The following ABR variants were observed in gnomAD, a reference collection of about 807,000 sequenced individuals.
ABR encodes active breakpoint cluster region-related protein.
Under a neutral mutation model 107.2 loss-of-function variants are expected in ABR, and 35 were observed. The observed-to-expected ratio is 0.33, with a 90% CI of 0.25 to 0.43. ABR has a LOEUF of 0.43. ABR is among the 20% of genes least tolerant of loss of function. ABR has a pLI of 1.00. For synonymous variants in ABR, 498 were observed against 462.0 expected, an observed-to-expected ratio of 1.08 and a Z score of -1.00; for missense variants, 815 against 1,115.2, an observed-to-expected ratio of 0.73 and a Z score of 3.83.
intron 1 of ABR, among the ~76,000 whole-genome samples, chr17:1,133,548 A>G (rs2039934351): frequency 1.3e-5 from 2 of 152,198 alleles, no homozygotes; most frequent in Admixed American, 6.5e-5. Context: ...AAAGAGATTA[A>G]TAACAATAAT....
intron 4 of ABR, among the ~76,000 whole-genome samples, chr17:1,086,707 G>T (rs1352715624): frequency 6.6e-6 from 1 of 152,096 alleles, no homozygotes; most frequent in Non-Finnish European, 1.5e-5. Flanking sequence ...CGTCATATTG[G>T]TCAGGCTGGT....
At chr17:1,202,889 CTT>C (rs11403936) in intron 1 of ABR, among the ~76,000 whole-genome samples, 1 of 145,168 alleles carries the variant, frequency 6.9e-6, no homozygotes, top group Non-Finnish European at 1.5e-5. Context: ...TTTGCCATTA[CTT>C]TTTTTTTTTT....
At chr17:1,097,006 G>T (rs1321760529) in intron 3 of ABR, among the ~76,000 whole-genome samples, 3 of 151,982 alleles carry the variant, frequency 2.0e-5, no homozygotes, top group African/African-American at 7.2e-5. Context: ...GCTGGGGAAG[G>T]GGGGAACCTG....
At chr17:1,015,302 G>A (rs1231568165) in intron 16 of ABR, among the ~76,000 whole-genome samples, 3 of 151,306 alleles carry the variant, frequency 2.0e-5, no homozygotes, top group African/African-American at 7.3e-5. Flanking sequence ...TGTAGTCCAA[G>A]CTACTACTTG....
chr17:1,164,238 G>A (rs1319479830), intron 1 of ABR, among the ~76,000 whole-genome samples: 1 of 150,716 alleles, frequency 6.6e-6, no homozygotes, highest in African/African-American at 2.5e-5. Flanking sequence ...CATGGATGTC[G>A]GAGGATCTAG....
At chr17:1,073,534 G>A (rs2035425188) in intron 7 of ABR, 91 bp downstream of exon 7, 1 of 1,092,694 alleles carries the variant, frequency 9.2e-7, no homozygotes, top group Non-Finnish European at 1.2e-6. Flanking sequence ...CAGGTGGACT[G>A]TTCTCGGTGA....
Position 1,212,749 on chromosome 17 carries a change from T to C in ABR, c.838+16044A>G, listed in dbSNP as rs575893333. Reference sequence around the variant, plus strand: ...TACTAAAAGTACAAAATTAGCCAAGTGTGGTGGCGGACGCCTGTAATCTCA... The same window carrying C: ...TACTAAAAGTACAAAATTAGCCAAGCGTGGTGGCGGACGCCTGTAATCTCA... On this transcript the variant is annotated intron_variant, in intron 1 of 22. Transcript: ENST00000574139. Among the ~76,000 whole-genome samples, 582 of 152,058 alleles carry C rather than the reference T, an allele frequency of 3.8e-3. 4 individuals carry two copies. The highest frequency in any genetic ancestry group is 0.013 in the African/African-American group (557 of 41,478).
upstream of ABR, among the ~76,000 whole-genome samples, chr17:1,188,801 A>G (rs1331069732): frequency 6.6e-6 from 1 of 152,108 alleles, no homozygotes; most frequent in Non-Finnish European, 1.5e-5. Flanking sequence ...TCGCCTTCAT[A>G]AACGTAGGGG....
chr17:1,010,907 C>G lies in ABR; in HGVS notation c.2102-44G>C, dbSNP rs184498063. Reference sequence around the variant, plus strand: ...GGTCAGGCAGCCTTAGCTGGGCCAGCAGCCCCGTTCCACCCCCGACCCATC... The same window carrying G: ...GGTCAGGCAGCCTTAGCTGGGCCAGGAGCCCCGTTCCACCCCCGACCCATC... On this transcript the variant is annotated intron_variant, in intron 19 of 22. Transcript: ENST00000302538. The surrounding 1 kb of genome is among the most constrained non-coding windows in gnomAD (Gnocchi z 4.1). 1.2e-6 allele frequency: 2 copies of G among 1,608,072 alleles called. No individual in the cohort carries two copies. Among genetic ancestry groups the G allele is most frequent in the African/African-American group, 1.3e-5 (1 of 74,876 alleles).
chr17:1,081,154 G>C (rs2036211704), intron 5 of ABR, among the ~76,000 whole-genome samples: 1 of 152,230 alleles, frequency 6.6e-6, no homozygotes, highest in Non-Finnish European at 1.5e-5. Flanking sequence ...CCTTGGCAGG[G>C]CTGATCTGAA....
At chr17:1,061,703 C>T (rs192369814) in intron 10 of ABR, among the ~76,000 whole-genome samples, 50 of 152,244 alleles carry the variant, frequency 3.3e-4, no homozygotes, top group Middle Eastern at 3.4e-3. Flanking sequence ...CCCACCACCA[C>T]ACCCGGCTAA....
intron 3 of ABR, among the ~76,000 whole-genome samples, chr17:1,099,955 C>T (rs71357155): frequency 0.1 from 15,918 of 152,068 alleles, 1,090 homozygotes; most frequent in South Asian, 0.23. Flanking sequence ...TGATAAAATC[C>T]TGTCTCTACT....
At chr17:1,039,247 C>T (rs1056839125) in intron 16 of ABR, among the ~76,000 whole-genome samples, 6 of 152,048 alleles carry the variant, frequency 3.9e-5, no homozygotes, top group Non-Finnish European at 5.9e-5. Flanking sequence ...CCTGCTGAGG[C>T]GGCACTTCCC....
At chr17:1,116,876 C>A (rs2039013307) in intron 2 of ABR, among the ~76,000 whole-genome samples, 1 of 152,166 alleles carries the variant, frequency 6.6e-6, no homozygotes, top group Non-Finnish European at 1.5e-5. Context: ...GGGAGAAATG[C>A]AGGGGCCGGC....
chr17:1,176,860 A>T (rs2041934078), intron 1 of ABR, among the ~76,000 whole-genome samples: 2 of 141,694 alleles, frequency 1.4e-5, no homozygotes, highest in Admixed American at 1.5e-4. Context: ...CAAAACAAAA[A>T]ACAAAAAACA....
chr17:1,139,481 T>G (rs1252248040), intron 1 of ABR, among the ~76,000 whole-genome samples: 1 of 151,930 alleles, frequency 6.6e-6, no homozygotes, highest in Non-Finnish European at 1.5e-5. Context: ...CTCCATCTCC[T>G]GACCTCGTGA....
intron 16 of ABR, among the ~76,000 whole-genome samples, chr17:1,032,915 G>A (rs1192562099): frequency 6.6e-6 from 1 of 152,192 alleles, no homozygotes; most frequent in Non-Finnish European, 1.5e-5. Flanking sequence ...CGCGAACCAG[G>A]TCTTTCAAAC....
intron 1 of ABR, among the ~76,000 whole-genome samples, chr17:1,132,613 G>A (rs557989918): frequency 6.6e-5 from 10 of 152,062 alleles, no homozygotes; most frequent in African/African-American, 2.4e-4. Flanking sequence ...TCCTGACCTT[G>A]TGATCCACCC....
At chr17:1,102,569 G>A (rs887818287) in intron 2 of ABR, among the ~76,000 whole-genome samples, 10 of 152,204 alleles carry the variant, frequency 6.6e-5, no homozygotes, top group African/African-American at 2.4e-4. Flanking sequence ...AATATATAAT[G>A]TTTTAAGAGT....
Sources: allele counts gnomAD v4.1 joint callset (sites outside exome capture counted in the v4.1 genomes callset), GRCh38; gene constraint gnomAD v4.1.1; non-coding constraint Gnocchi (gnomAD v3.1); transcripts MANE v1.5; gene names NCBI Gene and HGNC (gene_info 2026-07-23, HGNC 2026-07-21).